The following BNC1 variants were observed in gnomAD, a reference collection of about 807,000 sequenced individuals.
BNC1 encodes zinc finger protein basonuclin-1.
BNC1 carries 8 observed loss-of-function variants against 66.5 expected under a neutral mutation model. The ratio of observed to expected loss-of-function variants is 0.12; its 90% CI spans 0.07 to 0.22. The LOEUF (loss-of-function observed/expected upper bound fraction) is 0.22. BNC1 is among the 10% of genes least tolerant of loss of function. The pLI is 1.00. For synonymous variants in BNC1, 454 were observed against 452.6 expected (o/e 1.00, Z -0.04); for missense variants, 1,069 against 1,241.3 (o/e 0.86, Z 2.09).
intron 2 of BNC1, among the ~76,000 whole-genome samples, chr15:83,267,516 C>T (rs987049404): frequency 1.3e-5 from 2 of 152,104 alleles, no homozygotes; most frequent in African/African-American, 2.4e-5. Flanking sequence ...CCTAAGGCCA[C>T]GCTGTCCAAT....
chr15:83,283,082 C>G, intron 1 of BNC1: 1 of 1,526,748 alleles, frequency 6.5e-7, no homozygotes, highest in Non-Finnish European at 8.8e-7. Context: ...GCCCCCCAAC[C>G]ACACACAACT....
chr15:83,257,702 A>T lies in BNC1; in HGVS notation c.2725T>A (p.Cys909Ser). ...LVPGEDEYPICVLMEKADQSL... is the reference protein window; with the variant it reads ...LVPGEDEYPISVLMEKADQSL... ...TGGTCAGCCTTCTCCATCAGGACACAGATGGGGTACTCATCTTCCCCAGGG... is the reference window on the plus strand; with the variant it reads ...TGGTCAGCCTTCTCCATCAGGACACTGATGGGGTACTCATCTTCCCCAGGG... Residue 909 changes from cysteine (C) to serine (S), a missense_variant, in exon 5 of 5, where the codon TGT becomes AGT. Cys to Ser is a moderately radical substitution (Grantham distance 112, BLOSUM62 -1). Around this residue, in one of 7 missense-constraint regions of BNC1, gnomAD observed 657 missense variants for 715.8 expected, o/e 0.92. Coordinates refer to ENST00000345382, the MANE Select transcript of BNC1 (RefSeq NM_001717.4). 6.2e-7 allele frequency: 1 copy of T among 1,614,154 alleles called. No homozygotes were observed. Among genetic ancestry groups the T allele is most frequent in the Non-Finnish European group, 8.5e-7 (1 of 1,180,032 alleles).
At chr15:83,280,119 T>G (rs1254968693) in intron 1 of BNC1, among the ~76,000 whole-genome samples, 1 of 152,186 alleles carries the variant, frequency 6.6e-6, no homozygotes, top group African/African-American at 2.4e-5. Flanking sequence ...AATTATTAGT[T>G]TCAAAAACTG....
chr15:83,263,445 G>C lies in BNC1; in HGVS notation c.1806C>G (p.Phe602Leu). 1 of 1,614,228 alleles carries C rather than the reference G, an allele frequency of 6.2e-7. No homozygotes were observed. The highest frequency in any genetic ancestry group is 8.5e-7 in the Non-Finnish European group (1 of 1,180,042). ...GATGGCAGGGCCTCTCCCCTTCAGG[G>C]AAAGGCTTCCCTAAGCCTCCTGACT... ...HVQSGGLGKP[F>L]PEGERPCHRE... Residue 602 changes from phenylalanine (F) to leucine (L), a missense_variant, in exon 4 of 5, where the codon TTC becomes TTG. Physicochemically the swap from Phe to Leu is conservative, Grantham distance 22. Transcript: ENST00000345382.
intron 1 of BNC1, among the ~76,000 whole-genome samples, chr15:83,278,269 G>A (rs1318604848): frequency 6.6e-6 from 1 of 152,154 alleles, no homozygotes; most frequent in Non-Finnish European, 1.5e-5. Flanking sequence ...GTTTTTATTT[G>A]TTTGTTTCTA....
At position 83,263,460 on chromosome 15, in the gene BNC1, G is replaced by C; in HGVS notation, c.1791C>G (p.Gly597=). Residue 597 remains glycine, a synonymous_variant, in exon 4 of 5, where the codon GGC becomes GGG. Transcript: ENST00000345382. ...VSEEQHVQSG[G]LGKPFPEGER... ...CCCCTTCAGGGAAAGGCTTCCCTAA[G>C]CCTCCTGACTGTACATGCTGCTCCT... is the stretch of plus-strand genomic sequence containing the variant. 6.2e-7 allele frequency: 1 copy of C among 1,614,218 alleles called. No homozygotes were observed. Among genetic ancestry groups the C allele is most frequent in the Non-Finnish European group, 8.5e-7 (1 of 1,180,040 alleles).
chr15:83,264,859 C>T lies in BNC1; in HGVS notation c.436-44G>A, dbSNP rs374629574. 5 of 1,561,176 alleles carry T rather than the reference C, an allele frequency of 3.2e-6. No homozygotes were observed. In the African/African-American group the frequency reaches 6.8e-5, roughly 21 times the overall value. On this transcript the variant is annotated intron_variant, in intron 3 of 4. Transcript: ENST00000345382. ...TTAGAAGTGTGATCAATTTACAACT[C>T]CTTACCCTTTCCTCTAAAAATGTAG...
chr15:83,257,318 A>C lies in BNC1; in HGVS notation c.*124T>G. ...GCTCATTGTGCTGTGGAAAACTATA[A>C]AGTCAAATCAAATACTTTTGCCTGA... On this transcript the variant is annotated 3_prime_UTR_variant, in exon 5 of 5. Transcript: ENST00000345382. The C allele has an allele frequency of 1.7e-5, 19 of 1,149,256 alleles. No individual in the cohort carries two copies. The South Asian group carries it at 2.8e-4, about 17-fold the overall frequency. 71.2% of individuals were successfully genotyped at this position (1,149,256 alleles called of 1,614,324 possible).
At chr15:83,262,825 A>G in intron 4 of BNC1, 126 bp downstream of exon 4, 1 of 1,013,840 alleles carries the variant, frequency 9.9e-7, no homozygotes, top group Non-Finnish European at 1.4e-6. Context: ...CCTAGATCTA[A>G]TGAAGTGGAA....
chr15:83,269,332 GA>G (rs1261748285), intron 1 of BNC1, among the ~76,000 whole-genome samples: 1 of 152,202 alleles, frequency 6.6e-6, no homozygotes, highest in African/African-American at 2.4e-5. Flanking sequence ...TTATTAAACA[GA>G]AAAAGCCCTC....
At chr15:83,268,857 G>C (rs1441442946) in intron 1 of BNC1, among the ~76,000 whole-genome samples, 1 of 152,178 alleles carries the variant, frequency 6.6e-6, no homozygotes, top group African/African-American at 2.4e-5. Context: ...GTTTTATGTG[G>C]GGGCATAGAA....
intron 4 of BNC1, among the ~76,000 whole-genome samples, chr15:83,258,882 A>G (rs1183256542): frequency 6.6e-6 from 1 of 150,416 alleles, no homozygotes; most frequent in Non-Finnish European, 1.5e-5. Context: ...AGTGGCTATA[A>G]TATTTAAAAT....
rs1290048048 is a variant in BNC1 at position 83,263,630 on chromosome 15, T to G, written c.1621A>C (p.Ser541Arg). 1 of 1,614,234 alleles carries G rather than the reference T, an allele frequency of 6.2e-7. No individual in the cohort carries two copies. The highest frequency in any genetic ancestry group is 8.5e-7 in the Non-Finnish European group (1 of 1,180,034). The change falls in exon 4 of 5, where the codon AGT becomes CGT. Residue 541 changes from serine to arginine, a missense_variant. This residue lies in a region of BNC1 where 657 missense variants were observed against 715.8 expected (regional missense o/e 0.92). Transcript: ENST00000345382. The part of the protein sequence containing the change: ...ALPKKKSRKS[S>R]MPIKIEKEAV... ...TCTTTCTCTATTTTGATAGGCATAC[T>G]GGACTTCCTGGATTTCTTCTTGGGA...
chr15:83,283,051 C>A, intron 1 of BNC1: 1 of 1,461,510 alleles, frequency 6.8e-7, no homozygotes. Context: ...TTACCGAACC[C>A]CCGAGCGTCT....
chr15:83,284,502 C>T (rs1465340173), intron 1 of BNC1, 28 bp downstream of exon 1: 1 of 1,198,326 alleles, frequency 8.3e-7, no homozygotes, highest in Non-Finnish European at 1.0e-6. Context: ...CAGAGAATCC[C>T]CGCGCCCGCG....
chr15:83,261,837 C>G (rs959476203), intron 4 of BNC1, among the ~76,000 whole-genome samples: 2 of 152,128 alleles, frequency 1.3e-5, no homozygotes, highest in Admixed American at 6.6e-5. Context: ...TTTAAAAAAC[C>G]TTCAATCAAG....
intron 1 of BNC1, among the ~76,000 whole-genome samples, chr15:83,275,317 G>A (rs1013256457): frequency 3.9e-5 from 6 of 152,128 alleles, no homozygotes; most frequent in Non-Finnish European, 7.4e-5. Context: ...CCAACATGGC[G>A]AAACCCCATC....
intron 1 of BNC1, chr15:83,283,382 C>G (rs1017962957): frequency 2.2e-6 from 3 of 1,356,708 alleles, no homozygotes; most frequent in Non-Finnish European, 2.8e-6. Context: ...GCGGGAGACC[C>G]CGCAGCGGCC....
At chr15:83,264,903 A>G (rs897494376) in intron 3 of BNC1, 88 bp from the exon 4 acceptor site, 64 of 1,344,380 alleles carry the variant, frequency 4.8e-5, no homozygotes, top group Non-Finnish European at 6.1e-5. Context: ...ACTATGGGAT[A>G]CTTTTGTGCA....
Sources: allele counts gnomAD v4.1 joint callset (sites outside exome capture counted in the v4.1 genomes callset), GRCh38; gene constraint gnomAD v4.1.1; regional missense constraint gnomAD v4.1.1; transcripts MANE v1.5; gene names NCBI Gene and HGNC (gene_info 2026-07-23, HGNC 2026-07-21).